Variants in SGCA observed in about 807,000 individuals in gnomAD.
SGCA encodes alpha-sarcoglycan.
A neutral mutation model predicts 38.1 loss-of-function variants in SGCA; 34 were observed. That is an observed-to-expected ratio of 0.89 (90% CI 0.68 to 1.19). The LOEUF is 1.19. SGCA is among the 50% of genes most tolerant of loss of function. The pLI, the probability that SGCA is intolerant of heterozygous loss-of-function variation, is 0.00. For synonymous variants in SGCA, 209 were observed against 214.6 expected (o/e 0.97, Z 0.23); for missense variants, 476 against 524.9 (o/e 0.91, Z 0.91).
intron 1 of SGCA, among the ~76,000 whole-genome samples, chr17:50,166,362 AGCTG>A (rs901183375): frequency 2.0e-5 from 3 of 152,118 alleles, no homozygotes; most frequent in African/African-American, 7.2e-5. Flanking sequence ...CCCTTTAATG[AGCTG>A]GCTGGGCCGC....
At position 50,167,769 on chromosome 17, in the gene SGCA, G is replaced by A. The variant is rs547080329; in HGVS notation, c.312+33G>A. 23 of 1,598,386 alleles carry A rather than the reference G, an allele frequency of 1.4e-5. No homozygotes were observed. In the South Asian group the frequency reaches 2.4e-4, roughly 17 times the overall value. On this transcript the variant is annotated intron_variant, in intron 3 of 9. Transcript: ENST00000262018. This position sits in a 1 kb window ranked among gnomAD's most constrained non-coding sequence, Gnocchi z 4.5. Reference sequence around the variant, plus strand: ...CAGGGACCCTGAGAAAATCACAGGGGTGGGCCAGAGTGGCCTCCTAGGAGC... The same window carrying A: ...CAGGGACCCTGAGAAAATCACAGGGATGGGCCAGAGTGGCCTCCTAGGAGC...
chr17:50,172,149 T>C (rs767570029), intron 8 of SGCA: 5 of 456,838 alleles, frequency 1.1e-5, no homozygotes, highest in South Asian at 7.7e-5. Flanking sequence ...CGCTGAGGCT[T>C]CCTCTTGAGC....
rs781380620 is a variant in SGCA at position 50,170,665 on chromosome 17, G to A, written c.982G>A (p.Asp328Asn). The change falls in exon 8 of 10, where the codon GAC (aspartate) becomes AAC (asparagine). Residue 328 changes from aspartate (D) to asparagine (N), a missense_variant and splice_region_variant. Transcript: ENST00000262018. ...GRLKRDLATS[D>N]IQMVHHCTIH... ...GCTGAAGAGAGACCTGGCTACCTCC[G>A]AGTGAGTAAAGGAAAGCTGGGGGTG... 12 of 1,560,022 alleles carry A rather than the reference G, an allele frequency of 7.7e-6. 1 individual carries two copies. Among genetic ancestry groups the A allele is most frequent in the South Asian group, 3.5e-5 (3 of 84,794 alleles).
At chr17:50,169,497 G>T (rs1448233666) in intron 6 of SGCA, 6 of 543,326 alleles carry the variant, frequency 1.1e-5, no homozygotes, top group South Asian at 9.4e-5. Flanking sequence ...TCCGCAATCC[G>T]CATGTGGGGT....
chr17:50,170,794 T>G, intron 8 of SGCA, 128 bp downstream of exon 8: 5 of 813,014 alleles, frequency 6.1e-6, no homozygotes, highest in African/African-American at 1.7e-5. Context: ...CCCCTTCCCT[T>G]GACCTCTGTA....
Position 50,174,994 on chromosome 17 carries a change from A to C in SGCA, c.984-263A>C, listed in dbSNP as rs140077564. ...TTATTTTTTGTAGAAACAGGGTTTC[A>C]CCGTGTTGGCCAGGCTGGTCTCGAA... On this transcript the variant is annotated intron_variant, in intron 8 of 9. Transcript: ENST00000262018. 3.5e-4 allele frequency among the ~76,000 whole-genome samples: 53 copies of C among 152,116 alleles called. No homozygotes were observed. The East Asian group carries it at 9.3e-3, about 27-fold the overall frequency.
chr17:50,169,746 A>T (rs555208148), intron 6 of SGCA: 1 of 377,616 alleles, frequency 2.6e-6, no homozygotes, highest in South Asian at 2.5e-5. Flanking sequence ...GCTGGTGTAC[A>T]CTGTTCCTGT....
intron 6 of SGCA, 171 bp downstream of exon 6, chr17:50,169,425 A>ACC: frequency 5.1e-6 from 3 of 584,840 alleles, no homozygotes; most frequent in Non-Finnish European, 9.1e-6. Flanking sequence ...ACACACACAC[A>ACC]CACACACACA....
At chr17:50,173,734 G>A (rs1013299993) in intron 8 of SGCA, among the ~76,000 whole-genome samples, 10 of 152,068 alleles carry the variant, frequency 6.6e-5, no homozygotes, top group Non-Finnish European at 1.5e-4. Flanking sequence ...ATTGGGTTTC[G>A]GACAACTCAG....
rs917682632 is a variant in SGCA, at chr17:50,167,871, G to T, written c.313-76G>T. 5.9e-6 allele frequency: 9 copies of T among 1,535,412 alleles called. No homozygotes were observed. Among genetic ancestry groups the T allele is most frequent in the Non-Finnish European group, 7.2e-6 (8 of 1,108,486 alleles). The stretch of plus-strand genomic sequence containing the variant: ...TACATACCTCTAATTTGGTATCTGA[G>T]TCCTCTCCTGCCAGGCCCCCGCTGT... On this transcript the variant is annotated intron_variant, in intron 3 of 9. Coordinates refer to ENST00000262018, the MANE Select transcript of SGCA (RefSeq NM_000023.4). This position sits in a 1 kb window ranked among gnomAD's most constrained non-coding sequence, Gnocchi z 4.5.
rs367733438 is a variant in SGCA, at chr17:50,167,514, G to C, written c.157+27G>C. The stretch of plus-strand genomic sequence containing the variant: ...TGAGCGGCCTGACAGGCACCCAGGC[G>C]GGCGGGCTGGGGTGTACCCCGCAGG... On this transcript the variant is annotated intron_variant, in intron 2 of 9. Coordinates refer to ENST00000262018, the MANE Select transcript of SGCA (RefSeq NM_000023.4). This position sits in a 1 kb window ranked among gnomAD's most constrained non-coding sequence, Gnocchi z 4.5. The C allele has an allele frequency of 1.1e-5, 18 of 1,614,090 alleles. No individual in the cohort carries two copies. The highest frequency in any genetic ancestry group is 1.5e-5 in the Non-Finnish European group (18 of 1,179,998).
chr17:50,172,418 C>G (rs1905524065), intron 8 of SGCA: 1 of 413,936 alleles, frequency 2.4e-6, no homozygotes, highest in Admixed American at 2.5e-5. Flanking sequence ...GTGGGCCAGA[C>G]AGCGGGCCTG....
chr17:50,171,953 G>C (rs985617226), intron 8 of SGCA: 4 of 456,600 alleles, frequency 8.8e-6, no homozygotes, highest in African/African-American at 8.0e-5. Flanking sequence ...ACGCTGCCCT[G>C]CTGGCCTCCA....
intron 8 of SGCA, among the ~76,000 whole-genome samples, chr17:50,174,855 C>A (rs898104475): frequency 5.3e-5 from 8 of 151,786 alleles, no homozygotes; most frequent in Non-Finnish European, 1.0e-4. Flanking sequence ...GAGTCTCTTG[C>A]GATCTCAGCT....
At position 50,173,498 on chromosome 17, in the gene SGCA, C is replaced by A. The variant is rs531804928; in HGVS notation, c.984-1759C>A. On this transcript the variant is annotated intron_variant, in intron 8 of 9. Coordinates refer to ENST00000262018, the MANE Select transcript of SGCA (RefSeq NM_000023.4). ...TGGAAGGACCGTGGGGAAGCCACTG[C>A]GGGGTCTGGCCTCTGCTCTTGCTCT... is the stretch of plus-strand genomic sequence containing the variant. 6.6e-5 allele frequency among the ~76,000 whole-genome samples: 10 copies of A among 152,264 alleles called. No homozygotes were observed. The East Asian group carries it at 1.9e-3, about 29-fold the overall frequency.
intron 1 of SGCA, among the ~76,000 whole-genome samples, chr17:50,166,906 A>C (rs1424247616): frequency 3.5e-5 from 1 of 28,570 alleles, no homozygotes; most frequent in Non-Finnish European, 5.8e-5. Context: ...CCCCGCAAAC[A>C]CACACCCCCC....
Position 50,170,148 on chromosome 17 carries a change from TAA to T in SGCA, c.754_755del (p.Lys252ValfsTer8), listed in dbSNP as rs1057517377. 2 of 1,614,038 alleles carry T rather than the reference TAA, an allele frequency of 1.2e-6. No homozygotes were observed. The highest frequency in any genetic ancestry group is 1.7e-6 in the Non-Finnish European group (2 of 1,179,896). On this transcript the variant is annotated frameshift_variant, in exon 7 of 10. Coordinates refer to ENST00000262018, the MANE Select transcript of SGCA (RefSeq NM_000023.4). LOFTEE classifies it high-confidence loss of function. ...GCCCTGAGCTCTCTGTGCAGGTGGATAAGTCAGTGCCGGAGCCTGCAGATGAG... is the reference window on the plus strand; with the variant it reads ...GCCCTGAGCTCTCTGTGCAGGTGGATGTCAGTGCCGGAGCCTGCAGATGAG... The part of the protein sequence containing the change: ...VDWCNVTLVD[K>X]SVPEPADEVP...
Position 50,167,570 on chromosome 17 carries a change from C to A in SGCA, c.158-12C>A. 6.2e-7 allele frequency: 1 copy of A among 1,613,566 alleles called. No individual in the cohort carries two copies. The highest frequency in any genetic ancestry group is 1.1e-5 in the South Asian group (1 of 91,090). The stretch of plus-strand genomic sequence containing the variant: ...TGCTGTGACTCGAATCCCCTCTCCT[C>A]GCTTCCACCAGCTGTCCCACCCGCT... On this transcript the variant is annotated splice_polypyrimidine_tract_variant and intron_variant, in intron 2 of 9. Coordinates refer to ENST00000262018, the MANE Select transcript of SGCA (RefSeq NM_000023.4). The surrounding 1 kb of genome is among the most constrained non-coding windows in gnomAD (Gnocchi z 4.5).
intron 8 of SGCA, among the ~76,000 whole-genome samples, chr17:50,173,373 G>A (rs1436636828): frequency 2.0e-5 from 3 of 152,184 alleles, no homozygotes; most frequent in Non-Finnish European, 2.9e-5. Context: ...TGGTGGTGGA[G>A]TGGGTGTGGG....
Sources: allele counts gnomAD v4.1 joint callset (sites outside exome capture counted in the v4.1 genomes callset), GRCh38; gene constraint gnomAD v4.1.1; non-coding constraint Gnocchi (gnomAD v3.1); transcripts MANE v1.5; gene names NCBI Gene and HGNC (gene_info 2026-07-23, HGNC 2026-07-21).